Variants in BMP5 observed in about 807,000 individuals in gnomAD.
BMP5 encodes bone morphogenetic protein 5.
BMP5 carries 23 observed loss-of-function variants against 46.6 expected under a neutral mutation model. The observed-to-expected ratio is 0.49, with a 90% CI of 0.35 to 0.70. The LOEUF (loss-of-function observed/expected upper bound fraction) is 0.70. BMP5 is among the 30% of genes least tolerant of loss of function. The pLI is 0.00. For synonymous variants in BMP5, 204 were observed against 191.9 expected (o/e 1.06, Z -0.52); for missense variants, 545 against 565.6 (o/e 0.96, Z 0.37).
chr6:55,799,680 T>G (rs2127531003), intron 2 of BMP5, among the ~76,000 whole-genome samples: 1 of 152,300 alleles, frequency 6.6e-6, no homozygotes, highest in Non-Finnish European at 1.5e-5. Flanking sequence ...CAAACAACCT[T>G]TATGTTATCA....
intron 3 of BMP5, among the ~76,000 whole-genome samples, chr6:55,786,713 T>G (rs1408986715): frequency 6.6e-6 from 1 of 151,702 alleles, no homozygotes; most frequent in East Asian, 1.9e-4. Flanking sequence ...ACAATATTTA[T>G]CTAGAGCAAA....
At position 55,754,525 on chromosome 6, in the gene BMP5, A is replaced by C. The variant is rs2127513235; in HGVS notation, c.*1008T>G. ...GACTTTTGGTAATTTCCTCCAGTTT[A>C]GTTTCAGTGCTTTTACTTCTAAATA... On this transcript the variant is annotated 3_prime_UTR_variant, in exon 7 of 7. Transcript: ENST00000370830. 1 of 152,096 alleles carries C rather than the reference A, an allele frequency of 6.6e-6. No homozygotes were observed. The highest frequency in any genetic ancestry group is 2.4e-5 in the African/African-American group (1 of 41,558). 9.4% of individuals were successfully genotyped at this position (152,096 alleles called of 1,614,324 possible).
chr6:55,823,063 G>A (rs1349046105), intron 1 of BMP5, among the ~76,000 whole-genome samples: 1 of 152,024 alleles, frequency 6.6e-6, no homozygotes, highest in African/African-American at 2.4e-5. Flanking sequence ...AGTAACACTA[G>A]GGAGGTGGCA....
At chr6:55,817,318 C>A (rs1776297311) in intron 2 of BMP5, among the ~76,000 whole-genome samples, 1 of 152,174 alleles carries the variant, frequency 6.6e-6, no homozygotes, top group African/African-American at 2.4e-5. Context: ...TATTGCAGCA[C>A]TATTCACAAT....
chr6:55,855,694 A>G (rs992017917), intron 1 of BMP5, among the ~76,000 whole-genome samples: 1 of 152,096 alleles, frequency 6.6e-6, no homozygotes, highest in South Asian at 2.1e-4. Context: ...ATTAATATAC[A>G]TTTATTCTGA....
At chr6:55,843,593 G>A (rs1204937698) in intron 1 of BMP5, among the ~76,000 whole-genome samples, 1 of 151,664 alleles carries the variant, frequency 6.6e-6, no homozygotes, top group African/African-American at 2.4e-5. Flanking sequence ...ACTCATTTAG[G>A]AATAGAAAAA....
At chr6:55,801,149 T>C (rs896992359) in intron 2 of BMP5, among the ~76,000 whole-genome samples, 1 of 152,218 alleles carries the variant, frequency 6.6e-6, no homozygotes, top group Non-Finnish European at 1.5e-5. Flanking sequence ...AACTACTGTG[T>C]ATCGTTTGGG....
intron 2 of BMP5, among the ~76,000 whole-genome samples, chr6:55,805,892 C>T (rs1261749999): frequency 1.3e-5 from 2 of 152,216 alleles, no homozygotes; most frequent in East Asian, 1.9e-4. Context: ...TGTTCATATC[C>T]TTTGCCCACT....
chr6:55,756,442 TA>T (rs1220182267), intron 6 of BMP5, among the ~76,000 whole-genome samples: 1 of 151,928 alleles, frequency 6.6e-6, no homozygotes, highest in Non-Finnish European at 1.5e-5. Context: ...AATGCTTAAG[TA>T]AAGGGTTGAT....
intron 6 of BMP5, among the ~76,000 whole-genome samples, chr6:55,756,838 T>A (rs1774617786): frequency 1.3e-5 from 2 of 152,092 alleles, no homozygotes; most frequent in East Asian, 1.9e-4. Flanking sequence ...TGATTGATAA[T>A]CCTGCTGTTT....
chr6:55,858,888 G>A (rs1481157575), intron 1 of BMP5, among the ~76,000 whole-genome samples: 2 of 152,178 alleles, frequency 1.3e-5, no homozygotes, highest in Non-Finnish European at 2.9e-5. Context: ...AACACTGCAT[G>A]TTTTCACTCA....
chr6:55,783,018 A>G (rs975956256), intron 3 of BMP5, among the ~76,000 whole-genome samples: 31 of 152,064 alleles, frequency 2.0e-4, no homozygotes, highest in Non-Finnish European at 1.9e-4. Context: ...TTTCACCTTG[A>G]GAAGAATGGA....
rs549786291 is a variant in BMP5, at chr6:55,824,523, TAAAAC to T, written c.491-4681_491-4677del. Among the ~76,000 whole-genome samples, 17 of 151,782 alleles carry T rather than the reference TAAAAC, an allele frequency of 1.1e-4. No individual in the cohort carries two copies. In the Middle Eastern group the frequency reaches 0.01, roughly 92 times the overall value. ...CTCTTAATTACCATATAAAAACAAATAAAACAAGACAAACAAAAAGGCAGAAGGTT... is the reference window on the plus strand; with the variant it reads ...CTCTTAATTACCATATAAAAACAAATAAGACAAACAAAAAGGCAGAAGGTT... On this transcript the variant is annotated intron_variant, in intron 1 of 6. Coordinates refer to ENST00000370830, the MANE Select transcript of BMP5 (RefSeq NM_021073.4).
chr6:55,845,097 C>T (rs1777063935), intron 1 of BMP5, among the ~76,000 whole-genome samples: 1 of 151,936 alleles, frequency 6.6e-6, no homozygotes, highest in Non-Finnish European at 1.5e-5. Flanking sequence ...AATTTGAAGT[C>T]CCCTAAAGGA....
chr6:55,849,531 T>A (rs766125852), intron 1 of BMP5, among the ~76,000 whole-genome samples: 1 of 151,994 alleles, frequency 6.6e-6, no homozygotes, highest in Non-Finnish European at 1.5e-5. Context: ...GCAAAGGCCC[T>A]GTGGAAGGAC....
intron 1 of BMP5, among the ~76,000 whole-genome samples, chr6:55,870,248 C>T (rs1417502409): frequency 1.3e-5 from 2 of 151,058 alleles, no homozygotes; most frequent in African/African-American, 4.9e-5. Flanking sequence ...ATAACTATCT[C>T]TGGCAACCCA....
At chr6:55,775,985 A>G (rs1429688308) in intron 3 of BMP5, among the ~76,000 whole-genome samples, 1 of 151,824 alleles carries the variant, frequency 6.6e-6, no homozygotes, top group Non-Finnish European at 1.5e-5. Context: ...CTTACAACCT[A>G]CTGGGAAAAG....
At chr6:55,766,308 T>A (rs1774915491) in intron 4 of BMP5, among the ~76,000 whole-genome samples, 1 of 152,132 alleles carries the variant, frequency 6.6e-6, no homozygotes, top group African/African-American at 2.4e-5. Flanking sequence ...ACTTACAGTG[T>A]TGATGTTCCC....
intron 3 of BMP5, among the ~76,000 whole-genome samples, chr6:55,784,422 A>G (rs532115384): frequency 6.8e-4 from 104 of 151,966 alleles, no homozygotes; most frequent in Middle Eastern, 3.4e-3. Flanking sequence ...TATTGAATAT[A>G]TTCTATAATC....
Sources: gnomAD v4.1 joint callset for allele counts (sites outside exome capture counted in the v4.1 genomes callset) on GRCh38, gnomAD v4.1.1 for gene constraint, MANE v1.5 for transcripts, NCBI Gene and HGNC (gene_info 2026-07-23, HGNC 2026-07-21) for gene names.